The following CYLD variants were observed in gnomAD, a reference collection of about 807,000 sequenced individuals.
CYLD encodes ubiquitin carboxyl-terminal hydrolase CYLD.
In CYLD, 26 loss-of-function variants were observed where a neutral mutation model predicts 104.5. The observed-to-expected ratio is 0.25, with a 90% confidence interval of 0.18 to 0.35. CYLD has a LOEUF of 0.35. CYLD is among the 10% of genes least tolerant of loss of function. The pLI is 1.00. For synonymous variants in CYLD, 385 were observed against 399.9 expected (o/e 0.96, Z 0.45); for missense variants, 703 against 1,136.1 (o/e 0.62, Z 5.48).
Position 50,792,660 on chromosome 16 carries a change from A to T in CYLD, c.2305A>T (p.Ile769Phe), listed in dbSNP as rs1489875475. The T allele has an allele frequency of 6.3e-7, 1 of 1,595,926 alleles. No individual in the cohort carries two copies. Among genetic ancestry groups the T allele is most frequent in the Non-Finnish European group, 8.6e-7 (1 of 1,165,930 alleles). ...AAAAGACTTTAAACTATTTAAAAAAATTTTTCCTTCTCTGGAATTAAATAT... is the reference window on the plus strand; with the variant it reads ...AAAAGACTTTAAACTATTTAAAAAATTTTTTCCTTCTCTGGAATTAAATAT... ...FGKDFKLFKK[I>F]FPSLELNITD... The change falls in exon 16 of 19, where the codon ATT becomes TTT. Residue 769 changes from isoleucine to phenylalanine, a missense_variant. By Grantham distance (21) the Ile-to-Phe change is conservative. Transcript: ENST00000427738.
intron 5 of CYLD, among the ~76,000 whole-genome samples, chr16:50,760,518 C>T (rs1232592395): frequency 6.6e-6 from 1 of 151,928 alleles, no homozygotes; most frequent in African/African-American, 2.4e-5. Flanking sequence ...ATTCTTATTC[C>T]CCCTTCCCTT....
Position 50,801,643 on chromosome 16 carries a change from C to T in CYLD, c.*5135C>T, listed in dbSNP as rs1173262118. On this transcript the variant is annotated 3_prime_UTR_variant, in exon 19 of 19. Coordinates refer to ENST00000427738, the MANE Select transcript of CYLD (RefSeq NM_001378743.1). ...AGAACTCACATCCCATCTGAAACTT[C>T]CCAGGGGAGTTGGGATTCTTAGTAG... 1 of 233,514 alleles carries T rather than the reference C, an allele frequency of 4.3e-6. No individual in the cohort carries two copies. Among genetic ancestry groups the T allele is most frequent in the East Asian group, 6.0e-5 (1 of 16,646 alleles). The allele number at this position is 233,514 out of a possible 1,614,324, so 14.5% of individuals were successfully genotyped here.
intron 5 of CYLD, among the ~76,000 whole-genome samples, chr16:50,773,913 A>C (rs1315449327): frequency 6.6e-6 from 1 of 152,150 alleles, no homozygotes; most frequent in Admixed American, 6.5e-5. Flanking sequence ...AGCCTTTGAC[A>C]GAAGGTAGCC....
intron 2 of CYLD, among the ~76,000 whole-genome samples, chr16:50,743,391 C>T (rs1362698): frequency 0.1 from 15,678 of 152,150 alleles, 2,640 homozygotes; most frequent in African/African-American, 0.36. Flanking sequence ...AAATGATTTG[C>T]TGGAAATTCT....
intron 5 of CYLD, among the ~76,000 whole-genome samples, chr16:50,758,815 A>C (rs1181848172): frequency 6.6e-6 from 1 of 152,184 alleles, no homozygotes; most frequent in East Asian, 1.9e-4. Flanking sequence ...GTTGGAAGTC[A>C]GGATCTTGGT....
intron 5 of CYLD, among the ~76,000 whole-genome samples, chr16:50,764,687 AG>A (rs1968304062): frequency 6.6e-6 from 1 of 152,170 alleles, no homozygotes; most frequent in African/African-American, 2.4e-5. Context: ...CTAAGCCCGT[AG>A]TTCTCAGCCT....
Position 50,797,926 on chromosome 16 carries a change from C to G in CYLD, c.*1418C>G, listed in dbSNP as rs1391600092. On this transcript the variant is annotated 3_prime_UTR_variant, in exon 19 of 19. Coordinates refer to ENST00000427738, the MANE Select transcript of CYLD (RefSeq NM_001378743.1). Reference sequence around the variant, plus strand: ...ACAAAAACTCATCTTGTAATATTTTCATTTTTGAAGTGAAAAAGTACATAT... The same window carrying G: ...ACAAAAACTCATCTTGTAATATTTTGATTTTTGAAGTGAAAAAGTACATAT... 4.3e-6 allele frequency: 1 copy of G among 231,812 alleles called. No individual in the cohort carries two copies. The highest frequency in any genetic ancestry group is 2.2e-5 in the African/African-American group (1 of 45,244). The allele number at this position is 231,812 out of a possible 1,614,324, so 14.4% of individuals were successfully genotyped here.
intron 5 of CYLD, among the ~76,000 whole-genome samples, chr16:50,757,982 A>T (rs1169514018): frequency 1.3e-5 from 2 of 152,188 alleles, no homozygotes; most frequent in Non-Finnish European, 2.9e-5. Context: ...CCTTACCTAG[A>T]TGTTGGGGAT....
Position 50,787,198 on chromosome 16 carries a change from C to A in CYLD, c.2041+252C>A, listed in dbSNP as rs1389646942. The A allele has an allele frequency of 1.7e-5, 8 of 462,074 alleles. No homozygotes were observed. The East Asian group carries it at 3.3e-4, about 19-fold the overall frequency. 28.6% of individuals were successfully genotyped at this position (462,074 alleles called of 1,614,324 possible). A position where few individuals can be genotyped will look rare whatever the true frequency, so the allele number is the denominator to read the frequency against. On this transcript the variant is annotated intron_variant, in intron 13 of 18. Coordinates refer to ENST00000427738, the MANE Select transcript of CYLD (RefSeq NM_001378743.1). ...TATATTAAATGCTTAAATAAAAAGT[C>A]CTTTCCTTTCCACCTAGCAATGATA...
chr16:50,783,600 G>A (rs553180063), intron 11 of CYLD, among the ~76,000 whole-genome samples: 39 of 152,142 alleles, frequency 2.6e-4, no homozygotes, highest in Admixed American at 3.9e-4. Flanking sequence ...ATGCAGTGAC[G>A]TGATCTCGGC....
chr16:50,794,564 A>G lies in CYLD; in HGVS notation c.2686+136A>G. 1.2e-6 allele frequency: 1 copy of G among 844,652 alleles called. No individual in the cohort carries two copies. Among genetic ancestry groups the G allele is most frequent in the Non-Finnish European group, 2.0e-6 (1 of 500,684 alleles). The allele number at this position is 844,652 out of a possible 1,614,324, so 52.3% of individuals were successfully genotyped here. ...GGATTATTCTGGTGACAACAGTCTTATATCTTGGATTGCATTAACAACCTT... is the reference window on the plus strand; with the variant it reads ...GGATTATTCTGGTGACAACAGTCTTGTATCTTGGATTGCATTAACAACCTT... On this transcript the variant is annotated intron_variant, in intron 18 of 18. Coordinates refer to ENST00000427738, the MANE Select transcript of CYLD (RefSeq NM_001378743.1). This position sits in a 1 kb window ranked among gnomAD's most constrained non-coding sequence, Gnocchi z 4.1.
chr16:50,789,868 ATC>A (rs1455950777), intron 14 of CYLD, among the ~76,000 whole-genome samples: 1 of 152,198 alleles, frequency 6.6e-6, no homozygotes, highest in Non-Finnish European at 1.5e-5. Flanking sequence ...CAAAGACAGA[ATC>A]TCCAGAAATA....
chr16:50,755,476 T>C (rs1210212551), intron 5 of CYLD, among the ~76,000 whole-genome samples: 1 of 152,198 alleles, frequency 6.6e-6, no homozygotes, highest in East Asian at 1.9e-4. Context: ...GTGGTTGTAC[T>C]AGTTTATATT....
intron 15 of CYLD, among the ~76,000 whole-genome samples, chr16:50,792,138 A>G (rs1311491846): frequency 6.6e-6 from 1 of 152,202 alleles, no homozygotes; most frequent in Non-Finnish European, 1.5e-5. Flanking sequence ...GAATCTCAGT[A>G]ATTTTAATAG....
In CYLD at chr16:50,777,871, T is replaced by C. The variant is rs1400923266; in HGVS notation, c.1068T>C (p.Tyr356=). Reference sequence around the variant, plus strand: ...ATAGAAACAGATCTGAATTATTTTATACCTTAAATGGGTCTTCTGTTGACT... The same window carrying C: ...ATAGAAACAGATCTGAATTATTTTACACCTTAAATGGGTCTTCTGTTGACT... ...PGNRNRSELF[Y]TLNGSSVDSQ... is the part of the protein sequence containing the mutation. The change falls in exon 8 of 19, where the codon TAT becomes TAC. Residue 356 remains tyrosine, a synonymous_variant. Transcript: ENST00000427738. 1.2e-6 allele frequency: 2 copies of C among 1,609,004 alleles called. No individual in the cohort carries two copies. Among genetic ancestry groups the C allele is most frequent in the African/African-American group, 1.3e-5 (1 of 74,798 alleles).
chr16:50,780,027 C>T lies in CYLD; in HGVS notation c.1501C>T (p.Leu501Phe), dbSNP rs1385126584. ...TCAGCCACCAGGACTGAATGAAGTG[C>T]TCGCTGGACTGGAACTGGTAATTTA... ...IGQPPGLNEVLAGLELEDECA... is the reference protein window; with the variant it reads ...IGQPPGLNEVFAGLELEDECA... Residue 501 changes from leucine (L) to phenylalanine (F), a missense_variant, in exon 9 of 19, where the codon CTC becomes TTC. Around this residue, in one of 5 missense-constraint regions of CYLD, gnomAD observed 125 missense variants for 325.4 expected, o/e 0.38. Coordinates refer to ENST00000427738, the MANE Select transcript of CYLD (RefSeq NM_001378743.1). The T allele has an allele frequency of 1.2e-6, 2 of 1,613,972 alleles. No homozygotes were observed. The highest frequency in any genetic ancestry group is 1.3e-5 in the African/African-American group (1 of 74,928).
chr16:50,778,084 G>C (rs1969866677), intron 8 of CYLD, 143 bp downstream of exon 8: 1 of 630,276 alleles, frequency 1.6e-6, no homozygotes, highest in African/African-American at 1.8e-5. Context: ...CTAAAATATT[G>C]TACACAGTTT....
At chr16:50,771,379 G>T (rs1969128954) in intron 5 of CYLD, among the ~76,000 whole-genome samples, 2 of 151,262 alleles carry the variant, frequency 1.3e-5, no homozygotes, top group Non-Finnish European at 3.0e-5. Context: ...TCCAATAAAT[G>T]GATCTGCCGT....
In CYLD at chr16:50,798,318, A is replaced by T. The variant is rs886052058; in HGVS notation, c.*1810A>T. On this transcript the variant is annotated 3_prime_UTR_variant, in exon 19 of 19. Transcript: ENST00000427738. ...GCAAATGGAAAATACGATTTTTTTTAAAAAAAGGATGGTTACATCCGTATT... is the reference window on the plus strand; with the variant it reads ...GCAAATGGAAAATACGATTTTTTTTTAAAAAAGGATGGTTACATCCGTATT... 58 of 230,706 alleles carry T rather than the reference A, an allele frequency of 2.5e-4. No individual in the cohort carries two copies. Among genetic ancestry groups the T allele is most frequent in the Middle Eastern group, 1.3e-3 (1 of 790 alleles). The allele number at this position is 230,706 out of a possible 1,614,324, so 14.3% of individuals were successfully genotyped here.
Sources: gnomAD v4.1 joint callset for allele counts (sites outside exome capture counted in the v4.1 genomes callset) on GRCh38, gnomAD v4.1.1 for gene constraint, gnomAD v4.1.1 regional missense constraint, Gnocchi (gnomAD v3.1) non-coding constraint, MANE v1.5 for transcripts, NCBI Gene and HGNC (gene_info 2026-07-23, HGNC 2026-07-21) for gene names.